Variants in POU2F1 observed in about 807,000 individuals in gnomAD.
POU2F1 encodes the protein POU domain, class 2, transcription factor 1.
A neutral mutation model predicts 84.9 loss-of-function variants in POU2F1; 16 were observed. The ratio of observed to expected loss-of-function variants is 0.19; its 90% CI spans 0.13 to 0.29. The LOEUF is 0.29. Among genes scored for constraint, POU2F1 ranks in the 10% least tolerant of loss-of-function variants. The probability of loss-of-function intolerance (pLI) is 1.00; values close to 1 mark genes in which losing one functional copy is unlikely to be tolerated. For synonymous variants in POU2F1, 368 were observed against 368.3 expected (o/e 1.00, Z 0.01); for missense variants, 738 against 942.6 (o/e 0.78, Z 2.84).
chr1:167,250,777 C>T (rs919310695), intron 1 of POU2F1, among the ~76,000 whole-genome samples: 2 of 152,162 alleles, frequency 1.3e-5, no homozygotes, highest in African/African-American at 4.8e-5. Context: ...TTTCAATTTT[C>T]TGATATACTA....
chr1:167,262,488 T>C (rs1196116855), intron 1 of POU2F1, among the ~76,000 whole-genome samples: 1 of 152,260 alleles, frequency 6.6e-6, no homozygotes, highest in African/African-American at 2.4e-5. Context: ...AGAAACCGTA[T>C]CTGCCCTCAA....
In POU2F1 at chr1:167,405,425, C is replaced by T. The variant is rs930789140; in HGVS notation, c.1555+3869C>T. Among the ~76,000 whole-genome samples, 6 of 151,890 alleles carry T rather than the reference C, an allele frequency of 4.0e-5. No individual in the cohort carries two copies. In the East Asian group the frequency reaches 9.7e-4, roughly 24 times the overall value. Reference sequence around the variant, plus strand: ...ATGTGCAGTGGCTTATGCCTATAATCCCAGCACTTTGGTAGGCCAAGGTGA... The same window carrying T: ...ATGTGCAGTGGCTTATGCCTATAATTCCAGCACTTTGGTAGGCCAAGGTGA... On this transcript the variant is annotated intron_variant, in intron 13 of 15. Transcript: ENST00000367866.
At chr1:167,329,276 G>T (rs532684491) in intron 1 of POU2F1, 1 of 1,548,116 alleles carries the variant, frequency 6.5e-7, no homozygotes. Flanking sequence ...AGATTTCACA[G>T]CAATGCTGGA....
intron 1 of POU2F1, among the ~76,000 whole-genome samples, chr1:167,265,986 G>A (rs1651922639): frequency 6.6e-6 from 1 of 152,222 alleles, no homozygotes; most frequent in Non-Finnish European, 1.5e-5. Flanking sequence ...ACAACTTGTT[G>A]TGTATACAAG....
chr1:167,285,407 ATGGTGAAACCCAGTCT>A, intron 1 of POU2F1, among the ~76,000 whole-genome samples: 1 of 152,278 alleles, frequency 6.6e-6, no homozygotes, highest in South Asian at 2.1e-4. Context: ...GATCGAGACC[ATGGTGAAACCCAGTCT>A]CTACTGAAAA....
intron 1 of POU2F1, among the ~76,000 whole-genome samples, chr1:167,280,527 A>G (rs1224698245): frequency 6.6e-6 from 1 of 152,216 alleles, no homozygotes; most frequent in Non-Finnish European, 1.5e-5. Flanking sequence ...ACCTAAAGGT[A>G]TGAACAGTAT....
chr1:167,309,282 T>C (rs1655297675), intron 1 of POU2F1, among the ~76,000 whole-genome samples: 1 of 152,198 alleles, frequency 6.6e-6, no homozygotes, highest in Admixed American at 6.5e-5. Context: ...CACTTAAAGC[T>C]GTGTTTATTT....
intron 1 of POU2F1, among the ~76,000 whole-genome samples, chr1:167,326,770 G>T (rs1446664442): frequency 1.3e-5 from 2 of 152,114 alleles, no homozygotes; most frequent in East Asian, 3.9e-4. Flanking sequence ...TGCTCCTGTT[G>T]GGTACAGACA....
At chr1:167,404,390 G>A (rs1410517537) in intron 13 of POU2F1, among the ~76,000 whole-genome samples, 2 of 152,110 alleles carry the variant, frequency 1.3e-5, no homozygotes, top group South Asian at 2.1e-4. Context: ...GAATGGAAGG[G>A]CTCGCGGTGA....
chr1:167,305,361 T>G (rs1654993744), intron 1 of POU2F1, among the ~76,000 whole-genome samples: 1 of 151,968 alleles, frequency 6.6e-6, no homozygotes, highest in Non-Finnish European at 1.5e-5. Context: ...CTAATTTTTG[T>G]TTTTTTGTTT....
rs989606299 is a variant in POU2F1, at chr1:167,424,392, C to T, written c.*8582C>T. 4.6e-5 allele frequency: 7 copies of T among 152,306 alleles called. No individual in the cohort carries two copies. The highest frequency in any genetic ancestry group is 1.7e-4 in the African/African-American group (7 of 41,464). The allele number at this position is 152,306 out of a possible 1,614,324, so 9.4% of individuals were successfully genotyped here. On this transcript the variant is annotated 3_prime_UTR_variant, in exon 16 of 16. Coordinates refer to ENST00000367866, the MANE Select transcript of POU2F1 (RefSeq NM_002697.4). ...GCATTGCTCAGTCCGCAGGAGGTCTCACTCCGCAGGAAACGCTCTCCTCCC... is the reference window on the plus strand; with the variant it reads ...GCATTGCTCAGTCCGCAGGAGGTCTTACTCCGCAGGAAACGCTCTCCTCCC...
chr1:167,237,746 GTATATATA>G (rs58988722), intron 1 of POU2F1, among the ~76,000 whole-genome samples: 2,794 of 72,824 alleles, frequency 0.038, 140 homozygotes, highest in East Asian at 0.058. Flanking sequence ...ATGTGTGTGT[GTATATATA>G]TATATATATA....
At chr1:167,374,819 G>GCAC (rs1177044407) in intron 6 of POU2F1, among the ~76,000 whole-genome samples, 3 of 152,208 alleles carry the variant, frequency 2.0e-5, no homozygotes, top group Non-Finnish European at 4.4e-5. Context: ...TGTAATCCCA[G>GCAC]CACTTTGGGA....
chr1:167,345,978 T>C (rs1003654256), intron 2 of POU2F1, among the ~76,000 whole-genome samples: 1 of 140,514 alleles, frequency 7.1e-6, no homozygotes, highest in Non-Finnish European at 1.5e-5. Flanking sequence ...CTGGGCAACA[T>C]AGTGAGACCC....
chr1:167,269,873 C>T (rs930214024), intron 1 of POU2F1, among the ~76,000 whole-genome samples: 2 of 148,788 alleles, frequency 1.3e-5, no homozygotes, highest in African/African-American at 5.0e-5. Context: ...GAGATCCCGC[C>T]ACTGCACTCC....
intron 12 of POU2F1, among the ~76,000 whole-genome samples, chr1:167,400,424 C>G (rs965533119): frequency 2.0e-5 from 3 of 152,210 alleles, no homozygotes; most frequent in African/African-American, 7.2e-5. Flanking sequence ...TCCCAGTTAT[C>G]TCAGAAAATC....
At position 167,412,031 on chromosome 1, in the gene POU2F1, C is replaced by G. The variant is rs769995488; in HGVS notation, c.1628C>G (p.Thr543Arg). 6.2e-7 allele frequency: 1 copy of G among 1,614,200 alleles called. No individual in the cohort carries two copies. The highest frequency in any genetic ancestry group is 8.5e-7 in the Non-Finnish European group (1 of 1,180,040). The change falls in exon 14 of 16, where the codon ACG (threonine) becomes AGG (arginine). Residue 543 changes from threonine to arginine, a missense_variant. This residue lies in a region of POU2F1 where 319 missense variants were observed against 386.0 expected (regional missense o/e 0.83). Coordinates refer to ENST00000367866, the MANE Select transcript of POU2F1 (RefSeq NM_002697.4). ...GCGCCTCCAGCTTCCTCAGCAGTCACGTCCCCCTCTCTGAGTCCCTCCCCT... is the reference window on the plus strand; with the variant it reads ...GCGCCTCCAGCTTCCTCAGCAGTCAGGTCCCCCTCTCTGAGTCCCTCCCCT... ...STAPPASSAVTSPSLSPSPSA... is the reference protein window; with the variant it reads ...STAPPASSAVRSPSLSPSPSA...
At chr1:167,254,157 C>G (rs368305173) in intron 1 of POU2F1, among the ~76,000 whole-genome samples, 2 of 152,126 alleles carry the variant, frequency 1.3e-5, no homozygotes, top group South Asian at 2.1e-4. Context: ...TTGGATAGTG[C>G]TCTTTCAAAC....
In POU2F1 at chr1:167,399,325, G is replaced by C; in HGVS notation, c.1409G>C (p.Ser470Thr). Residue 470 changes from serine (S) to threonine (T), a missense_variant, in exon 12 of 16, where the codon AGC (serine) becomes ACC (threonine). By Grantham distance (58) the Ser-to-Thr change is moderately conservative (BLOSUM62 1). This residue lies in a region of POU2F1 where 319 missense variants were observed against 386.0 expected (regional missense o/e 0.83). Coordinates refer to ENST00000367866, the MANE Select transcript of POU2F1 (RefSeq NM_002697.4). Reference sequence around the variant, plus strand: ...CCACCAAGCAGTGGTGGGACCAGCAGCTCACCTATTAAAGCAATTTTCCCC... The same window carrying C: ...CCACCAAGCAGTGGTGGGACCAGCACCTCACCTATTAAAGCAATTTTCCCC... The part of the protein sequence containing the change: ...INPPSSGGTS[S>T]SPIKAIFPSP... 1 of 1,613,896 alleles carries C rather than the reference G, an allele frequency of 6.2e-7. No homozygotes were observed. Among genetic ancestry groups the C allele is most frequent in the Non-Finnish European group, 8.5e-7 (1 of 1,179,904 alleles).
Sources: gnomAD v4.1 joint callset for allele counts (sites outside exome capture counted in the v4.1 genomes callset) on GRCh38, gnomAD v4.1.1 for gene constraint, gnomAD v4.1.1 regional missense constraint, MANE v1.5 for transcripts, NCBI Gene and HGNC (gene_info 2026-07-23, HGNC 2026-07-21) for gene names.